CSMD1: variants seen among roughly 807,000 people sequenced by gnomAD.
CSMD1 encodes the protein CUB and Sushi multiple domains 1.
Under a neutral mutation model 417.5 loss-of-function variants are expected in CSMD1, and 213 were observed. That is an observed-to-expected ratio of 0.51 (90% CI 0.46 to 0.57). CSMD1 has a LOEUF of 0.57. CSMD1 is among the 20% of genes least tolerant of loss of function. CSMD1 has a pLI of 0.00. For synonymous variants in CSMD1, 2,862 were observed against 1,736.8 expected, an observed-to-expected ratio of 1.65 and a Z score of -16.11; for missense variants, 6,923 against 4,529.7, an observed-to-expected ratio of 1.53 and a Z score of -15.17.
In CSMD1 at chr8:3,121,954, A is replaced by C. The variant is rs1416857853; in HGVS notation, c.6242-3367T>G. ...ATTACATTTTATTTATAATGCACCT[A>C]AATATTATAGAGAATTAGCTGTATT... On this transcript the variant is annotated intron_variant, in intron 41 of 69. Transcript: ENST00000635120. Among the ~76,000 whole-genome samples the C allele has an allele frequency of 7.9e-5, 12 of 152,222 alleles. No homozygotes were observed. In the East Asian group the frequency reaches 1.7e-3, roughly 22 times the overall value.
chr8:4,688,932 T>A (rs1394927698), intron 1 of CSMD1, among the ~76,000 whole-genome samples: 1 of 152,198 alleles, frequency 6.6e-6, no homozygotes, highest in Non-Finnish European at 1.5e-5. Flanking sequence ...ATTAAAGCAT[T>A]CACTTTCTTA....
At position 3,876,386 on chromosome 8, in the gene CSMD1, A is replaced by C. The variant is rs147064697; in HGVS notation, c.818+121517T>G. On this transcript the variant is annotated intron_variant, in intron 5 of 69. Coordinates refer to ENST00000635120, the MANE Select transcript of CSMD1 (RefSeq NM_033225.6). ...AGTGTTGTCCTAGAGTACTCAATAA[A>C]CTTTCCTGTATTTCTAAAGAATTCT... 3.0e-3 allele frequency among the ~76,000 whole-genome samples: 464 copies of C among 152,254 alleles called. 2 individuals are homozygous for C. Among genetic ancestry groups the C allele is most frequent in the African/African-American group, 9.0e-3 (375 of 41,544 alleles).
At chr8:3,881,617 A>AAAAAAC (rs1554472604) in intron 5 of CSMD1, among the ~76,000 whole-genome samples, 12 of 144,316 alleles carry the variant, frequency 8.3e-5, no homozygotes, top group African/African-American at 3.3e-4. Flanking sequence ...TCAAAAAAAA[A>AAAAAAC]AAAAACAAAA....
chr8:3,979,053 C>T (rs908355126), intron 5 of CSMD1, among the ~76,000 whole-genome samples: 3 of 152,170 alleles, frequency 2.0e-5, no homozygotes, highest in Non-Finnish European at 4.4e-5. Context: ...AAGAAGTTTC[C>T]TCCTTTCCTT....
At chr8:4,192,248 G>C (rs947909585) in intron 3 of CSMD1, among the ~76,000 whole-genome samples, 2 of 152,226 alleles carry the variant, frequency 1.3e-5, no homozygotes, top group Non-Finnish European at 1.5e-5. Flanking sequence ...TAGTTCGTTA[G>C]GATTATAAAT....
At chr8:4,397,491 T>G (rs1804321424) in intron 3 of CSMD1, among the ~76,000 whole-genome samples, 1 of 148,592 alleles carries the variant, frequency 6.7e-6, no homozygotes, top group Non-Finnish European at 1.5e-5. Context: ...AACTTCTGTG[T>G]GCCCATGAGC....
intron 3 of CSMD1, among the ~76,000 whole-genome samples, chr8:4,056,414 T>C (rs1798693859): frequency 6.6e-6 from 1 of 152,026 alleles, no homozygotes; most frequent in African/African-American, 2.4e-5. Flanking sequence ...TTTTCTTTTT[T>C]TTTTGTTTGT....
chr8:2,974,639 T>C lies in CSMD1; in HGVS notation c.8567-15A>G, dbSNP rs1047246251. On this transcript the variant is annotated splice_polypyrimidine_tract_variant and intron_variant, in intron 55 of 69. Transcript: ENST00000635120. ...ACACGATATAGCTTCAGAAAAAAGA[T>C]AAAACAATTGAGTACATCCTTCCAG... 3.8e-6 allele frequency: 6 copies of C among 1,560,976 alleles called. No individual in the cohort carries two copies. The highest frequency in any genetic ancestry group is 1.7e-4 in the Middle Eastern group (1 of 5,948).
intron 1 of CSMD1, among the ~76,000 whole-genome samples, chr8:4,817,652 A>G (rs1363905297): frequency 2.0e-5 from 3 of 152,232 alleles, no homozygotes; most frequent in Non-Finnish European, 2.9e-5. Flanking sequence ...CATAAAATCA[A>G]TGGTATTACA....
At chr8:4,731,126 C>A (rs181499517) in intron 1 of CSMD1, among the ~76,000 whole-genome samples, 1 of 152,274 alleles carries the variant, frequency 6.6e-6, no homozygotes, top group African/African-American at 2.4e-5. Context: ...ATATGAGAAA[C>A]CATGAGATGG....
chr8:3,598,332 G>A (rs78537121), intron 8 of CSMD1: 1 of 152,178 alleles, frequency 6.6e-6, no homozygotes, highest in African/African-American at 2.4e-5. Flanking sequence ...TTATGCATTT[G>A]ATGGCTGGTA....
At chr8:4,005,204 G>A (rs1430677985) in intron 4 of CSMD1, among the ~76,000 whole-genome samples, 1 of 152,096 alleles carries the variant, frequency 6.6e-6, no homozygotes, top group African/African-American at 2.4e-5. Context: ...TGCACAGGTG[G>A]TGGGTGCACC....
rs993388974 is a variant in CSMD1, at chr8:3,029,355, T to A, written c.7819A>T (p.Thr2607Ser). Residue 2607 changes from threonine to serine, a missense_variant, in exon 51 of 70, where the codon ACG becomes TCG. Physicochemically the swap from Thr to Ser is moderately conservative, Grantham distance 58 (BLOSUM62 1). Coordinates refer to ENST00000635120, the MANE Select transcript of CSMD1 (RefSeq NM_033225.6). The part of the protein sequence containing the change: ...WRLLRCQANG[T>S]WNIGDERPSC... ...GGCCTCTCATCTCCTATGTTCCACG[T>A]CCCATTGGCCTGGCACCGCAGGAGC... is the stretch of plus-strand genomic sequence containing the variant. 6.2e-6 allele frequency: 10 copies of A among 1,610,648 alleles called. No individual in the cohort carries two copies. The highest frequency in any genetic ancestry group is 4.1e-5 in the African/African-American group (3 of 73,702).
chr8:3,354,565 A>C (rs887646040), intron 21 of CSMD1, among the ~76,000 whole-genome samples: 1 of 152,164 alleles, frequency 6.6e-6, no homozygotes, highest in Non-Finnish European at 1.5e-5. Flanking sequence ...AAAATATGCA[A>C]TTCCATATTT....
intron 2 of CSMD1, among the ~76,000 whole-genome samples, chr8:4,596,887 G>A (rs1469756391): frequency 3.9e-5 from 6 of 152,182 alleles, no homozygotes; most frequent in African/African-American, 1.4e-4. Flanking sequence ...TCTTCTGATA[G>A]CGAATAAGTC....
chr8:4,368,544 T>C (rs1802223219), intron 3 of CSMD1, among the ~76,000 whole-genome samples: 2 of 152,206 alleles, frequency 1.3e-5, no homozygotes, highest in South Asian at 2.1e-4. Context: ...TTTAGTAAGA[T>C]AGGTACTAGC....
chr8:2,979,444 G>A (rs1259598007), intron 54 of CSMD1, among the ~76,000 whole-genome samples: 2 of 152,254 alleles, frequency 1.3e-5, no homozygotes, highest in African/African-American at 4.8e-5. Context: ...CTGAATGCCT[G>A]TTGGCGTCTG....
chr8:4,471,719 T>C (rs78973230), intron 2 of CSMD1, among the ~76,000 whole-genome samples: 41 of 147,856 alleles, frequency 2.8e-4, no homozygotes, highest in African/African-American at 8.5e-4. Context: ...CAAAGAAAAA[T>C]GCAGCAAACA....
At chr8:4,693,166 T>C (rs368837382) in intron 1 of CSMD1, among the ~76,000 whole-genome samples, 37 of 152,184 alleles carry the variant, frequency 2.4e-4, no homozygotes, top group Admixed American at 9.2e-4. Flanking sequence ...TCTTAATTCC[T>C]TAATTTGGCC....
Sources: allele counts gnomAD v4.1 joint callset (sites outside exome capture counted in the v4.1 genomes callset), GRCh38; gene constraint gnomAD v4.1.1; transcripts MANE v1.5; gene names NCBI Gene and HGNC (gene_info 2026-07-23, HGNC 2026-07-21).